Variants in VPS50 observed in about 807,000 individuals in gnomAD.
The protein encoded by VPS50 is VPS50 subunit of EARP/GARPII complex, also known as syndetin.
In VPS50, 70 loss-of-function variants were observed where a neutral mutation model predicts 139.7. The ratio of observed to expected loss-of-function variants is 0.50; its 90% CI spans 0.41 to 0.61. The LOEUF is 0.61. Among genes scored for constraint, VPS50 ranks in the 20% least tolerant of loss-of-function variants. VPS50 has a pLI of 0.00. For missense variants in VPS50, 921 were observed against 1,133.7 expected (o/e 0.81, Z 2.69); for synonymous variants, 365 against 376.7 (o/e 0.97, Z 0.36).
intron 20 of VPS50, among the ~76,000 whole-genome samples, chr7:93,312,913 C>T (rs943866074): frequency 3.3e-5 from 5 of 152,108 alleles, no homozygotes; most frequent in African/African-American, 1.2e-4. Context: ...TTTCAATGTC[C>T]GAACACATTC....
At chr7:93,290,527 T>C (rs1796619102) in intron 12 of VPS50, among the ~76,000 whole-genome samples, 1 of 151,874 alleles carries the variant, frequency 6.6e-6, no homozygotes, top group Admixed American at 6.6e-5. Context: ...GAGTGGGTTT[T>C]GAATTTTCTT....
At chr7:93,259,440 T>G in intron 8 of VPS50, 110 bp from the exon 9 acceptor site, 2 of 565,542 alleles carry the variant, frequency 3.5e-6, no homozygotes, top group Middle Eastern at 2.8e-4. Flanking sequence ...GGAATTAAAG[T>G]TTTTTGATTC....
rs74502520 is a variant in VPS50 at position 93,277,375 on chromosome 7, C to T, written c.942+1070C>T. On this transcript the variant is annotated intron_variant, in intron 12 of 27. Coordinates refer to ENST00000305866, the MANE Select transcript of VPS50 (RefSeq NM_017667.4). Reference sequence around the variant, plus strand: ...GCCTAAGAATGCGCTATGTCTCTCACTGGAGACATCCTTGAGTTTTCTCTA... The same window carrying T: ...GCCTAAGAATGCGCTATGTCTCTCATTGGAGACATCCTTGAGTTTTCTCTA... Among the ~76,000 whole-genome samples, 375 of 152,316 alleles carry T rather than the reference C, an allele frequency of 2.5e-3. 1 individual carries two copies. Among genetic ancestry groups the T allele is most frequent in the African/African-American group, 8.7e-3 (360 of 41,564 alleles).
chr7:93,320,292 T>A (rs1797566210), intron 20 of VPS50: 1 of 151,626 alleles, frequency 6.6e-6, no homozygotes, highest in Non-Finnish European at 1.5e-5. Context: ...TTCAATTTTT[T>A]ATTTTTTTTT....
At position 93,356,080 on chromosome 7, in the gene VPS50, G is replaced by T; in HGVS notation, c.2775G>T (p.Arg925Ser). ...TGGAACGGTGGATCAAAGAGCACAG[G>T]GTGAGAGCTGGAAAATAGTTAATTA... ...NDMERWIKEH[R>S]EYSTKQLTNL... is the part of the protein sequence containing the mutation. The change falls in exon 27 of 28, where the codon AGG becomes AGT. Residue 925 changes from arginine (R) to serine (S), a missense_variant and splice_region_variant. Coordinates refer to ENST00000305866, the MANE Select transcript of VPS50 (RefSeq NM_017667.4). 1 of 1,389,254 alleles carries T rather than the reference G, an allele frequency of 7.2e-7. No homozygotes were observed. Among genetic ancestry groups the T allele is most frequent in the South Asian group, 1.7e-5 (1 of 58,884 alleles). 86.1% of individuals were successfully genotyped at this position (1,389,254 alleles called of 1,614,324 possible).
At chr7:93,347,970 TATA>T (rs1011713314) in intron 23 of VPS50, among the ~76,000 whole-genome samples, 1 of 151,362 alleles carries the variant, frequency 6.6e-6, no homozygotes, top group Non-Finnish European at 1.5e-5. Context: ...AAAAAAGTAT[TATA>T]ATAATAATAA....
intron 9 of VPS50, among the ~76,000 whole-genome samples, chr7:93,261,257 G>C (rs576335955): frequency 6.6e-6 from 1 of 152,246 alleles, no homozygotes; most frequent in African/African-American, 2.4e-5. Flanking sequence ...GAGTGTTTAT[G>C]CCAGGTACTT....
intron 8 of VPS50, 39 bp downstream of exon 8, chr7:93,258,431 T>C: frequency 1.3e-6 from 2 of 1,510,750 alleles, no homozygotes; most frequent in Non-Finnish European, 1.8e-6. Context: ...GTCCTACTGA[T>C]ATATAGAAAC....
chr7:93,323,876 C>G (rs1017510142), intron 21 of VPS50, 144 bp downstream of exon 21: 1 of 375,462 alleles, frequency 2.7e-6, no homozygotes, highest in Non-Finnish European at 4.6e-6. Flanking sequence ...TGATATCAGC[C>G]TTCTGTCTGC....
chr7:93,276,515 A>T, intron 12 of VPS50: 5 of 667,490 alleles, frequency 7.5e-6, no homozygotes, highest in Non-Finnish European at 1.1e-5. Flanking sequence ...AGATTGGAGC[A>T]TGATTGCTTC....
chr7:93,247,097 T>C (rs868752720), intron 2 of VPS50, among the ~76,000 whole-genome samples: 115 of 152,066 alleles, frequency 7.6e-4, no homozygotes, highest in African/African-American at 2.5e-3. Context: ...ATGATCAAAA[T>C]AGAAAAATAG....
At chr7:93,307,199 A>G (rs1444281182) in intron 18 of VPS50, among the ~76,000 whole-genome samples, 3 of 151,882 alleles carry the variant, frequency 2.0e-5, no homozygotes, top group Non-Finnish European at 2.9e-5. Flanking sequence ...GGGTTACGAC[A>G]TGTTTATCAG....
intron 1 of VPS50, among the ~76,000 whole-genome samples, chr7:93,233,338 A>G (rs1794695387): frequency 1.3e-5 from 2 of 152,218 alleles, no homozygotes; most frequent in South Asian, 4.1e-4. Context: ...TTTTAATATG[A>G]AAGATAGTTA....
intron 21 of VPS50, among the ~76,000 whole-genome samples, chr7:93,332,508 TTGTG>T (rs1206612336): frequency 6.6e-6 from 1 of 152,110 alleles, no homozygotes; most frequent in African/African-American, 2.4e-5. Context: ...TTCACATACA[TTGTG>T]TGAAGAAATG....
chr7:93,330,997 T>TAAAA (rs34559868), intron 21 of VPS50, among the ~76,000 whole-genome samples: 8 of 151,324 alleles, frequency 5.3e-5, no homozygotes, highest in African/African-American at 1.7e-4. Context: ...AGTTTGAAAA[T>TAAAA]AAAAAATTTT....
chr7:93,319,187 T>C lies in VPS50; in HGVS notation c.1856-4424T>C, dbSNP rs1054043453. Among the ~76,000 whole-genome samples, 3 of 152,320 alleles carry C rather than the reference T, an allele frequency of 2.0e-5. No homozygotes were observed. The East Asian group carries it at 5.8e-4, about 29-fold the overall frequency. ...TTTCCTCTGAATATATAATCAGATA[T>C]AGTCACAGAAAAAAAACACAGTAAA... On this transcript the variant is annotated intron_variant, in intron 20 of 27. Coordinates refer to ENST00000305866, the MANE Select transcript of VPS50 (RefSeq NM_017667.4).
Position 93,291,852 on chromosome 7 carries a change from A to G in VPS50, c.1075+17A>G. ...CAGCTTCTGGTAGGAAAATATTTTTATTTTATTTTAAAAATTGAACTATAA... is the reference window on the plus strand; with the variant it reads ...CAGCTTCTGGTAGGAAAATATTTTTGTTTTATTTTAAAAATTGAACTATAA... On this transcript the variant is annotated intron_variant, in intron 13 of 27. Coordinates refer to ENST00000305866, the MANE Select transcript of VPS50 (RefSeq NM_017667.4). 2 of 1,532,040 alleles carry G rather than the reference A, an allele frequency of 1.3e-6. No homozygotes were observed. The highest frequency in any genetic ancestry group is 1.8e-6 in the Non-Finnish European group (2 of 1,133,186). 94.9% of individuals were successfully genotyped at this position (1,532,040 alleles called of 1,614,324 possible).
In VPS50 at chr7:93,334,126, A is replaced by G. The variant is rs1405382799; in HGVS notation, c.1987A>G (p.Thr663Ala). The G allele has an allele frequency of 1.6e-5, 25 of 1,586,784 alleles. No individual in the cohort carries two copies. The highest frequency in any genetic ancestry group is 2.7e-5 in the African/African-American group (2 of 74,088). The change falls in exon 22 of 28, where the codon ACT becomes GCT. Residue 663 changes from threonine to alanine, a missense_variant. Thr to Ala is a moderately conservative substitution (Grantham distance 58). Transcript: ENST00000305866. ...CCTTTTTCTTTTTCAGTTGGAATCA[A>G]CTGGACTCGGCCTTAGTAGTAGTAG... The part of the protein sequence containing the change: ...FFGRNDSLES[T>A]GLGLSSSRLR...
intron 27 of VPS50, among the ~76,000 whole-genome samples, chr7:93,357,163 T>C (rs1177784776): frequency 6.6e-6 from 1 of 152,172 alleles, no homozygotes; most frequent in Non-Finnish European, 1.5e-5. Flanking sequence ...TAAAGTAAGC[T>C]GTAAACACTT....
Sources: gnomAD v4.1 joint callset for allele counts (sites outside exome capture counted in the v4.1 genomes callset) on GRCh38, gnomAD v4.1.1 for gene constraint, MANE v1.5 for transcripts, NCBI Gene and HGNC (gene_info 2026-07-23, HGNC 2026-07-21) for gene names.